The following EXT1 variants were observed in gnomAD, a reference collection of about 807,000 sequenced individuals.
EXT1 encodes exostosin glycosyltransferase 1.
Under a neutral mutation model 82.5 loss-of-function variants are expected in EXT1, and 20 were observed. The ratio of observed to expected loss-of-function variants is 0.24; its 90% CI spans 0.17 to 0.35. EXT1 has a LOEUF of 0.35. Among genes scored for constraint, EXT1 ranks in the 10% least tolerant of loss-of-function variants. The pLI, the probability that EXT1 is intolerant of heterozygous loss-of-function variation, is 1.00. For synonymous variants in EXT1, 348 were observed against 350.8 expected, an observed-to-expected ratio of 0.99 and a Z score of 0.09; for missense variants, 757 against 936.5, an observed-to-expected ratio of 0.81 and a Z score of 2.50.
chr8:117,870,522 C>G (rs897183896), intron 1 of EXT1, among the ~76,000 whole-genome samples: 8 of 149,902 alleles, frequency 5.3e-5, no homozygotes, highest in African/African-American at 1.8e-4. Flanking sequence ...TTGGGTGCAC[C>G]ATTTGTTTCC....
chr8:118,073,244 G>A (rs1050979866), intron 1 of EXT1, among the ~76,000 whole-genome samples: 2 of 152,234 alleles, frequency 1.3e-5, no homozygotes, highest in East Asian at 3.9e-4. Context: ...AGTGACATAC[G>A]CTAACTAATT....
At chr8:117,810,723 G>T in intron 8 of EXT1, among the ~76,000 whole-genome samples, 1 of 152,172 alleles carries the variant, frequency 6.6e-6, no homozygotes, top group Admixed American at 6.5e-5. Flanking sequence ...TGCTTTGCCT[G>T]TGTTTGCCCT....
chr8:118,011,397 C>T (rs1313238087), intron 1 of EXT1, among the ~76,000 whole-genome samples: 1 of 152,160 alleles, frequency 6.6e-6, no homozygotes, highest in Non-Finnish European at 1.5e-5. Context: ...TGGAATTCTG[C>T]AATAGCTTTT....
chr8:117,826,207 A>G (rs1417592326), intron 4 of EXT1, among the ~76,000 whole-genome samples: 2 of 152,234 alleles, frequency 1.3e-5, no homozygotes, highest in East Asian at 3.9e-4. Context: ...GTTCTGTACA[A>G]TGAAACGTAC....
intron 1 of EXT1, among the ~76,000 whole-genome samples, chr8:117,958,968 G>A (rs779915962): frequency 7.9e-5 from 12 of 152,180 alleles, no homozygotes; most frequent in Non-Finnish European, 1.3e-4. Context: ...ACAAGCAATA[G>A]GTTGGGTTTT....
chr8:118,080,074 G>A (rs1292255728), intron 1 of EXT1, among the ~76,000 whole-genome samples: 1 of 152,172 alleles, frequency 6.6e-6, no homozygotes, highest in Non-Finnish European at 1.5e-5. Flanking sequence ...TTCCCAAAGA[G>A]TTCACAATGC....
chr8:117,991,960 T>C (rs1224758996), intron 1 of EXT1, among the ~76,000 whole-genome samples: 1 of 152,184 alleles, frequency 6.6e-6, no homozygotes, highest in Non-Finnish European at 1.5e-5. Flanking sequence ...TCTACTACCA[T>C]CAGGGTCAAA....
intron 1 of EXT1, among the ~76,000 whole-genome samples, chr8:117,867,815 A>T (rs966458861): frequency 2.6e-5 from 4 of 152,212 alleles, no homozygotes; most frequent in African/African-American, 9.6e-5. Context: ...GTCAATGTGT[A>T]TGAACACCAC....
chr8:118,100,373 G>A (rs945754291), intron 1 of EXT1, among the ~76,000 whole-genome samples: 3 of 152,084 alleles, frequency 2.0e-5, no homozygotes, highest in Non-Finnish European at 4.4e-5. Flanking sequence ...CTGCTGAACC[G>A]GCCGAGGGAG....
intron 1 of EXT1, among the ~76,000 whole-genome samples, chr8:117,894,514 G>A (rs1813302227): frequency 6.6e-6 from 1 of 152,142 alleles, no homozygotes; most frequent in Non-Finnish European, 1.5e-5. Flanking sequence ...CAATGAAAAC[G>A]ACAGTCTTAC....
intron 1 of EXT1, among the ~76,000 whole-genome samples, chr8:117,883,128 C>A (rs1203089554): frequency 1.3e-5 from 2 of 152,112 alleles, no homozygotes; most frequent in Non-Finnish European, 2.9e-5. Flanking sequence ...AATACTAATG[C>A]ATACTCAATA....
chr8:118,086,011 C>G (rs1817411467), intron 1 of EXT1, among the ~76,000 whole-genome samples: 1 of 152,210 alleles, frequency 6.6e-6, no homozygotes, highest in Admixed American at 6.5e-5. Flanking sequence ...TACAGCTCAT[C>G]TGGCCCTACT....
chr8:118,094,427 A>T (rs114488638), intron 1 of EXT1, among the ~76,000 whole-genome samples: 1 of 152,372 alleles, frequency 6.6e-6, no homozygotes, highest in African/African-American at 2.4e-5. Context: ...AGCTGTAAAC[A>T]GGTCAAATGA....
rs1044977571 is a variant in EXT1 at position 117,897,707 on chromosome 8, G to A, written c.963-60506C>T. ...CCTCCTGGGTTCAAGCAATTCTCCC[G>A]CCTCAGCCTTCCGAGTAGCTGGGAT... is the stretch of plus-strand genomic sequence containing the variant. On this transcript the variant is annotated intron_variant, in intron 1 of 10. Transcript: ENST00000378204. 5.7e-5 allele frequency among the ~76,000 whole-genome samples: 8 copies of A among 140,434 alleles called. No individual in the cohort carries two copies. The South Asian group carries it at 7.3e-4, about 13-fold the overall frequency. 92.1% of individuals were successfully genotyped at this position (140,434 alleles called of 152,430 possible).
intron 1 of EXT1, among the ~76,000 whole-genome samples, chr8:118,089,671 G>A (rs562011743): frequency 4.6e-5 from 7 of 152,210 alleles, no homozygotes; most frequent in East Asian, 1.9e-4. Context: ...TAACACATTC[G>A]CCAGATTATT....
chr8:117,941,001 C>T (rs545017259), intron 1 of EXT1, among the ~76,000 whole-genome samples: 1 of 152,264 alleles, frequency 6.6e-6, no homozygotes, highest in East Asian at 1.9e-4. Context: ...GGGGTTAAGG[C>T]GGAGGTTGGA....
chr8:117,977,256 G>A (rs545161120), intron 1 of EXT1, among the ~76,000 whole-genome samples: 19 of 152,002 alleles, frequency 1.2e-4, no homozygotes, highest in African/African-American at 2.7e-4. Context: ...GCGTGGTGGC[G>A]GATGCCTGTA....
At chr8:118,079,179 T>A (rs899954460) in intron 1 of EXT1, among the ~76,000 whole-genome samples, 6 of 151,964 alleles carry the variant, frequency 3.9e-5, no homozygotes, top group African/African-American at 1.4e-4. Flanking sequence ...TAGGAAAAAA[T>A]AATTTTAAGG....
At chr8:117,864,401 T>C (rs897290974) in intron 1 of EXT1, among the ~76,000 whole-genome samples, 2 of 152,084 alleles carry the variant, frequency 1.3e-5, no homozygotes, top group Non-Finnish European at 2.9e-5. Flanking sequence ...GGAAGAAGAA[T>C]TGTCTTGGGC....
Sources: allele counts gnomAD v4.1 joint callset (sites outside exome capture counted in the v4.1 genomes callset), GRCh38; gene constraint gnomAD v4.1.1; transcripts MANE v1.5; gene names NCBI Gene and HGNC (gene_info 2026-07-23, HGNC 2026-07-21).